The following ZNF567 variants were observed in gnomAD, a reference collection of about 807,000 sequenced individuals.
ZNF567 encodes the protein zinc finger protein 567.
Under a neutral mutation model 53.9 loss-of-function variants are expected in ZNF567, and 36 were observed. That is an observed-to-expected ratio of 0.67 (90% CI 0.51 to 0.88). The LOEUF is 0.88. Among genes scored for constraint, ZNF567 ranks in the 40% least tolerant of loss-of-function variants. ZNF567 has a pLI of 0.00. For synonymous variants in ZNF567, 224 were observed against 260.4 expected (o/e 0.86, Z 1.35); for missense variants, 619 against 764.7 (o/e 0.81, Z 2.25).
At chr19:36,674,672 A>G in the ZNF567 span, among the ~76,000 whole-genome samples, 60 of 152,304 alleles carry the variant, frequency 3.9e-4, no homozygotes, top group Non-Finnish European at 7.5e-4. Flanking sequence ...AGTTGGGTCC[A>G]AATTAATATT....
rs1308858624 is a variant in ZNF567 at position 36,721,122 on chromosome 19, T to C, written c.*454T>C. On this transcript the variant is annotated 3_prime_UTR_variant, in exon 6 of 6. Coordinates refer to ENST00000682579, the MANE Select transcript of ZNF567 (RefSeq NM_001322917.1). ...TTTTGCATGTTTTCAATTTTATAAA[T>C]ATATATTTTATCAGACATCATGAAT... is the stretch of plus-strand genomic sequence containing the variant. The C allele has an allele frequency of 1.3e-5, 2 of 152,370 alleles. No homozygotes were observed. The highest frequency in any genetic ancestry group is 3.9e-4 in the East Asian group (2 of 5,186). The allele number at this position is 152,370 out of a possible 1,614,324, so 9.4% of individuals were successfully genotyped here.
upstream of ZNF567, chr19:36,686,940 G>T (rs1411374294): frequency 6.6e-6 from 1 of 152,308 alleles, no homozygotes; most frequent in Non-Finnish European, 1.5e-5. Context: ...GAGAACTGGG[G>T]ACAGGTGTGC....
the ZNF567 span, among the ~76,000 whole-genome samples, chr19:36,672,219 G>C: frequency 5.5e-3 from 835 of 152,354 alleles, 23 homozygotes; most frequent in Admixed American, 0.037. Context: ...GAAATAGCCA[G>C]ATGTGACATT....
chr19:36,721,056 AAG>A lies in ZNF567; in HGVS notation c.*391_*392del, dbSNP rs200408786. The stretch of plus-strand genomic sequence containing the variant: ...AAAAGCAGTTAGTTGTTACTTACCT[AAG>A]AGTTACCACTTCCGTAGCCTATAAC... On this transcript the variant is annotated 3_prime_UTR_variant, in exon 6 of 6. Transcript: ENST00000682579. The A allele has an allele frequency of 6.5e-6, 1 of 153,434 alleles. No individual in the cohort carries two copies. Among genetic ancestry groups the A allele is most frequent in the East Asian group, 1.9e-4 (1 of 5,222 alleles). The allele number at this position is 153,434 out of a possible 1,614,324, so 9.5% of individuals were successfully genotyped here.
upstream of ZNF567, among the ~76,000 whole-genome samples, chr19:36,684,380 AG>A (rs893830120): frequency 2.6e-5 from 4 of 152,212 alleles, no homozygotes; most frequent in African/African-American, 9.6e-5. Flanking sequence ...TTACAATGAG[AG>A]AAATCTGCTT....
chr19:36,693,586 T>C (rs967709793), intron 2 of ZNF567, among the ~76,000 whole-genome samples: 1 of 152,218 alleles, frequency 6.6e-6, no homozygotes, highest in Admixed American at 6.5e-5. Context: ...TTTCTAGCAT[T>C]GTTAGGAGAA....
At chr19:36,718,845 T>C in intron 5 of ZNF567, 103 bp from the exon 6 acceptor site, 1 of 933,500 alleles carries the variant, frequency 1.1e-6, no homozygotes, top group Non-Finnish European at 1.6e-6. Context: ...TGGTCATTTG[T>C]TCTGAGTCTC....
At chr19:36,680,531 G>A in the ZNF567 span, among the ~76,000 whole-genome samples, 16 of 152,066 alleles carry the variant, frequency 1.1e-4, no homozygotes, top group African/African-American at 2.9e-4. Context: ...GGGTTGTGCC[G>A]GTTTGTTTTC....
chr19:36,722,163 G>A (rs764052912), downstream of ZNF567, among the ~76,000 whole-genome samples: 1 of 152,144 alleles, frequency 6.6e-6, no homozygotes, highest in African/African-American at 2.4e-5. Context: ...TGACTTCCAC[G>A]GTATCCTTTT....
chr19:36,725,189 C>CTTTAG (rs60829591), downstream of ZNF567, among the ~76,000 whole-genome samples: 101,845 of 151,176 alleles, frequency 0.67, 34,623 homozygotes, highest in East Asian at 0.82. Context: ...TATTTTTTGT[C>CTTTAG]TTTAATTTTA....
rs2040233385 is a variant in ZNF567, at chr19:36,719,860, C to T, written c.1136C>T (p.Thr379Ile). The stretch of plus-strand genomic sequence containing the variant: ...GGGAAGTCCTTCCGCCAGAAGACAA[C>T]ACTCTCTCTACATCAGAGAATCCAT... Reference protein sequence around the residue: ...DCGKSFRQKTTLSLHQRIHTG... With the variant: ...DCGKSFRQKTILSLHQRIHTG... The change falls in exon 6 of 6, where the codon ACA (threonine) becomes ATA (isoleucine). Residue 379 changes from threonine to isoleucine, a missense_variant. Physicochemically the swap from Thr to Ile is moderately conservative, Grantham distance 89. Coordinates refer to ENST00000682579, the MANE Select transcript of ZNF567 (RefSeq NM_001322917.1). 1.9e-6 allele frequency: 3 copies of T among 1,613,382 alleles called. No homozygotes were observed. The highest frequency in any genetic ancestry group is 1.3e-5 in the African/African-American group (1 of 74,704).
At chr19:36,713,662 C>T (rs1048020695) in intron 5 of ZNF567, among the ~76,000 whole-genome samples, 2 of 151,436 alleles carry the variant, frequency 1.3e-5, no homozygotes, top group Admixed American at 6.6e-5. Flanking sequence ...CGGCTGGGCA[C>T]GGTGGCTCAC....
At position 36,720,735 on chromosome 19, in the gene ZNF567, A is replaced by G. The variant is rs2040273193; in HGVS notation, c.*67A>G. On this transcript the variant is annotated 3_prime_UTR_variant, in exon 6 of 6. Transcript: ENST00000682579. ...AACATTTAGTTTTAAAAAGAAAAGCATGCTGAAACATGTTAATGTAATTTT... is the reference window on the plus strand; with the variant it reads ...AACATTTAGTTTTAAAAAGAAAAGCGTGCTGAAACATGTTAATGTAATTTT... 1.5e-6 allele frequency: 2 copies of G among 1,342,470 alleles called. No homozygotes were observed. Among genetic ancestry groups the G allele is most frequent in the East Asian group, 2.4e-5 (1 of 42,106 alleles). 83.2% of individuals were successfully genotyped at this position (1,342,470 alleles called of 1,614,324 possible).
chr19:36,711,360 GAGGA>G (rs1316823466), intron 3 of ZNF567: 1 of 152,162 alleles, frequency 6.6e-6, no homozygotes, highest in African/African-American at 2.4e-5. Flanking sequence ...CGTCACCTTT[GAGGA>G]AGTAAGTGGT....
At chr19:36,691,434 G>A (rs1019361428) in intron 2 of ZNF567, among the ~76,000 whole-genome samples, 1 of 152,058 alleles carries the variant, frequency 6.6e-6, no homozygotes, top group Non-Finnish European at 1.5e-5. Context: ...CTCAGGTGCT[G>A]GGATTATAGG....
the ZNF567 span, among the ~76,000 whole-genome samples, chr19:36,677,405 G>A: frequency 1.4e-5 from 2 of 142,768 alleles, no homozygotes; most frequent in Non-Finnish European, 3.0e-5. Context: ...GTTGCAGTGA[G>A]CTGAGATCAT....
At chr19:36,709,760 A>G (rs986794121) in intron 3 of ZNF567, among the ~76,000 whole-genome samples, 3 of 152,202 alleles carry the variant, frequency 2.0e-5, no homozygotes, top group African/African-American at 7.2e-5. Context: ...CACCACACCC[A>G]GCCTATTAGT....
At position 36,720,424 on chromosome 19, in the gene ZNF567, G is replaced by A. The variant is rs1369953858; in HGVS notation, c.1700G>A (p.Gly567Glu). 2 of 1,613,992 alleles carry A rather than the reference G, an allele frequency of 1.2e-6. No homozygotes were observed. Among genetic ancestry groups the A allele is most frequent in the Non-Finnish European group, 1.7e-6 (2 of 1,180,002 alleles). Residue 567 changes from glycine (G) to glutamate (E), a missense_variant, in exon 6 of 6, where the codon GGG becomes GAG. Gly to Glu is a moderately conservative substitution (Grantham distance 98). Coordinates refer to ENST00000682579, the MANE Select transcript of ZNF567 (RefSeq NM_001322917.1). ...GQKSYECPQC[G>E]KAFSRKSYLI... ...AAATCCTATGAATGTCCTCAGTGTG[G>A]GAAAGCCTTTAGCAGGAAGTCATAT...
chr19:36,689,911 C>G (rs2038510008), intron 2 of ZNF567, among the ~76,000 whole-genome samples: 1 of 152,230 alleles, frequency 6.6e-6, no homozygotes, highest in East Asian at 1.9e-4. Flanking sequence ...AAATAACAGT[C>G]TCTTAAAAAT....
Sources: gnomAD v4.1 joint callset for allele counts (sites outside exome capture counted in the v4.1 genomes callset) on GRCh38, gnomAD v4.1.1 for gene constraint, MANE v1.5 for transcripts, NCBI Gene and HGNC (gene_info 2026-07-23, HGNC 2026-07-21) for gene names.